STOX2: variants seen among roughly 807,000 people sequenced by gnomAD.
The protein encoded by STOX2 is storkhead-box protein 2.
A neutral mutation model predicts 60.9 loss-of-function variants in STOX2; 28 were observed. That is an observed-to-expected ratio of 0.46 (90% CI 0.34 to 0.63). The LOEUF is 0.63. Among genes scored for constraint, STOX2 ranks in the 30% least tolerant of loss-of-function variants. The probability of loss-of-function intolerance (pLI) is 0.01; values close to 1 mark genes in which losing one functional copy is unlikely to be tolerated. For missense variants in STOX2, 1,024 were observed against 1,187.7 expected, an observed-to-expected ratio of 0.86 and a Z score of 2.03; for synonymous variants, 472 against 463.9, an observed-to-expected ratio of 1.02 and a Z score of -0.22.
intron 1 of STOX2, among the ~76,000 whole-genome samples, chr4:183,832,848 A>C (rs771757469): frequency 6.6e-6 from 1 of 152,180 alleles, no homozygotes; most frequent in African/African-American, 2.4e-5. Flanking sequence ...CGGCTCAATT[A>C]AAAAGATGAG....
At chr4:183,860,109 A>T (rs532222027) in intron 1 of STOX2, among the ~76,000 whole-genome samples, 1 of 151,474 alleles carries the variant, frequency 6.6e-6, no homozygotes, top group African/African-American at 2.4e-5. Flanking sequence ...ACCGATGTCT[A>T]CCTATTTAGG....
chr4:183,999,016 C>T (rs898969178), intron 1 of STOX2, among the ~76,000 whole-genome samples: 2 of 152,036 alleles, frequency 1.3e-5, no homozygotes, highest in African/African-American at 4.8e-5. Flanking sequence ...TTCACTCTAG[C>T]CTGAGCCACA....
At chr4:183,920,567 G>C (rs1481137409) in intron 1 of STOX2, among the ~76,000 whole-genome samples, 1 of 152,082 alleles carries the variant, frequency 6.6e-6, no homozygotes, top group African/African-American at 2.4e-5. Flanking sequence ...TAAATATTTG[G>C]GTATGTTATT....
At chr4:183,831,336 A>G (rs941696552) in intron 1 of STOX2, among the ~76,000 whole-genome samples, 6 of 152,220 alleles carry the variant, frequency 3.9e-5, no homozygotes, top group African/African-American at 1.4e-4. Context: ...TCCGCCCCCA[A>G]GTTTGCCTTG....
intron 1 of STOX2, among the ~76,000 whole-genome samples, chr4:183,875,940 C>T (rs1471220258): frequency 1.3e-5 from 2 of 152,146 alleles, no homozygotes; most frequent in Non-Finnish European, 2.9e-5. Flanking sequence ...CAGGTCCATC[C>T]AGGGAGGAGT....
At chr4:183,959,218 A>G (rs114108036) in intron 1 of STOX2, among the ~76,000 whole-genome samples, 7 of 150,976 alleles carry the variant, frequency 4.6e-5, no homozygotes, top group Non-Finnish European at 1.0e-4. Context: ...TTTTCTTTCT[A>G]CTCTGTTAAA....
chr4:183,979,815 T>TA (rs1732583482), intron 1 of STOX2, among the ~76,000 whole-genome samples: 1 of 152,150 alleles, frequency 6.6e-6, no homozygotes, highest in Non-Finnish European at 1.5e-5. Context: ...ATTTTTTAGT[T>TA]AAAAATCCAG....
At chr4:183,989,117 G>A (rs943579160) in intron 1 of STOX2, among the ~76,000 whole-genome samples, 11 of 151,002 alleles carry the variant, frequency 7.3e-5, no homozygotes, top group African/African-American at 2.4e-4. Flanking sequence ...TATCTATCTC[G>A]CTCGCTGCTC....
At chr4:183,818,146 G>C (rs1002156931) in intron 1 of STOX2, among the ~76,000 whole-genome samples, 3 of 151,432 alleles carry the variant, frequency 2.0e-5, no homozygotes, top group Non-Finnish European at 4.4e-5. Flanking sequence ...TCTCGCAGAG[G>C]GGGACTTGGC....
At chr4:183,846,082 T>C (rs997406414) in intron 1 of STOX2, among the ~76,000 whole-genome samples, 10 of 152,204 alleles carry the variant, frequency 6.6e-5, no homozygotes, top group African/African-American at 2.4e-4. Flanking sequence ...GAATATAAAA[T>C]TCTTAATGGA....
rs1738762334 is a variant in STOX2, at chr4:183,801,531, TGAGTGAAC to T, written c.364+3480_364+3487del. Among the ~76,000 whole-genome samples the T allele has an allele frequency of 2.6e-5, 4 of 152,190 alleles. No homozygotes were observed. The South Asian group carries it at 8.3e-4, about 32-fold the overall frequency. Reference sequence around the variant, plus strand: ...TAAATGCTTTGAGGACTCTTTGTTTTGAGTGAACGAGAAGCAGTTACTTCTGTCTTGTG... The same window carrying T: ...TAAATGCTTTGAGGACTCTTTGTTTTGAGAAGCAGTTACTTCTGTCTTGTG... On this transcript the variant is annotated intron_variant, in intron 1 of 2. Coordinates refer to the STOX2 transcript ENST00000513034.
At chr4:183,799,035 A>G (rs1738700130) in intron 1 of STOX2, among the ~76,000 whole-genome samples, 2 of 152,346 alleles carry the variant, frequency 1.3e-5, no homozygotes, top group South Asian at 2.1e-4. Flanking sequence ...AAACGCTAAA[A>G]AACTGTAAAG....
At chr4:183,854,131 T>G (rs1740231696) in intron 1 of STOX2, among the ~76,000 whole-genome samples, 1 of 152,238 alleles carries the variant, frequency 6.6e-6, no homozygotes, top group South Asian at 2.1e-4. Flanking sequence ...TGTTCTTATG[T>G]GATGGGTTGT....
intron 1 of STOX2, 29 bp downstream of exon 1, chr4:183,906,985 G>C (rs1294864304): frequency 6.7e-7 from 1 of 1,499,652 alleles, no homozygotes; most frequent in African/African-American, 1.4e-5. Context: ...TTCTGCCCCC[G>C]GGCCGGGGCC....
intron 1 of STOX2, among the ~76,000 whole-genome samples, chr4:183,861,889 A>G (rs1462477260): frequency 2.0e-5 from 3 of 152,174 alleles, no homozygotes; most frequent in Non-Finnish European, 2.9e-5. Context: ...CAAAGTGCAA[A>G]GCCCCACGTA....
rs1278535190 is a variant in STOX2, at chr4:183,836,127, C to T, written c.364+38072C>T. 1.3e-5 allele frequency among the ~76,000 whole-genome samples: 2 copies of T among 152,104 alleles called. No individual in the cohort carries two copies. Among genetic ancestry groups the T allele is most frequent in the Non-Finnish European group, 2.9e-5 (2 of 68,026 alleles). Reference sequence around the variant, plus strand: ...TCTCCTGGTGACTAATGATGTTGAACGTCTTTTCATGTGCTTTTTGGCTGT... The same window carrying T: ...TCTCCTGGTGACTAATGATGTTGAATGTCTTTTCATGTGCTTTTTGGCTGT... On this transcript the variant is annotated intron_variant, in intron 1 of 2. Transcript: ENST00000513034. The surrounding 1 kb of genome is among the most constrained non-coding windows in gnomAD (Gnocchi z 4.1).
intron 1 of STOX2, among the ~76,000 whole-genome samples, chr4:183,945,632 A>C (rs1742866001): frequency 6.6e-6 from 1 of 152,206 alleles, no homozygotes; most frequent in African/African-American, 2.4e-5. Flanking sequence ...TGTGAAAACA[A>C]AGCAGGTTCC....
chr4:183,840,501 C>T (rs1404305000), intron 1 of STOX2, among the ~76,000 whole-genome samples: 4 of 152,204 alleles, frequency 2.6e-5, no homozygotes, highest in African/African-American at 7.2e-5. Flanking sequence ...TTTCCTGACA[C>T]ACTTAATGGC....
chr4:183,830,529 C>A (rs1739542213), intron 1 of STOX2, among the ~76,000 whole-genome samples: 1 of 152,150 alleles, frequency 6.6e-6, no homozygotes, highest in African/African-American at 2.4e-5. Flanking sequence ...TGACCTTAGC[C>A]ATGACCCCAG....
Sources: gnomAD v4.1 joint callset for allele counts (sites outside exome capture counted in the v4.1 genomes callset) on GRCh38, gnomAD v4.1.1 for gene constraint, Gnocchi (gnomAD v3.1) non-coding constraint, MANE v1.5 for transcripts, NCBI Gene and HGNC (gene_info 2026-07-23, HGNC 2026-07-21) for gene names.